TMEM135: variants seen among roughly 807,000 people sequenced by gnomAD.
TMEM135 encodes transmembrane protein 135.
Under a neutral mutation model 60.3 loss-of-function variants are expected in TMEM135, and 30 were observed. The ratio of observed to expected loss-of-function variants is 0.50; its 90% CI spans 0.37 to 0.68. The LOEUF (loss-of-function observed/expected upper bound fraction) is 0.68. Among genes scored for constraint, TMEM135 ranks in the 30% least tolerant of loss-of-function variants. TMEM135 has a pLI of 0.00. For synonymous variants in TMEM135, 190 were observed against 186.7 expected (o/e 1.02, Z -0.14); for missense variants, 468 against 548.8 (o/e 0.85, Z 1.47).
rs1240799672 is a variant in TMEM135, at chr11:87,116,646, CAGACACACACAT to C, written c.396+25253_396+25264del. The stretch of plus-strand genomic sequence containing the variant: ...ACACACACATACACACACACACACA[CAGACACACACAT>C]ACATATAGTATAGGCATACCTCAAA... On this transcript the variant is annotated intron_variant, in intron 4 of 14. Transcript: ENST00000305494. Among the ~76,000 whole-genome samples, 7 of 43,410 alleles carry C rather than the reference CAGACACACACAT, an allele frequency of 1.6e-4. No homozygotes were observed. The Admixed American group carries it at 2.5e-3, about 15-fold the overall frequency. The allele number at this position is 43,410 out of a possible 152,430, so 28.5% of individuals were successfully genotyped here.
In TMEM135 at chr11:87,306,698, C is replaced by T. The variant is rs531174728; in HGVS notation, c.768+693C>T. Among the ~76,000 whole-genome samples, 14 of 152,182 alleles carry T rather than the reference C, an allele frequency of 9.2e-5. 1 individual carries two copies. In the South Asian group the frequency reaches 2.5e-3, roughly 27 times the overall value. ...GTCAGCATGGCACAGGTGGCACCACCTGCTGCAAGTTCTTTAGTTTTTTTT... is the reference window on the plus strand; with the variant it reads ...GTCAGCATGGCACAGGTGGCACCACTTGCTGCAAGTTCTTTAGTTTTTTTT... On this transcript the variant is annotated intron_variant, in intron 9 of 14. Transcript: ENST00000305494.
chr11:87,169,899 A>T (rs773883332), intron 5 of TMEM135, among the ~76,000 whole-genome samples: 1 of 152,072 alleles, frequency 6.6e-6, no homozygotes, highest in Non-Finnish European at 1.5e-5. Flanking sequence ...GAGTGTTTTC[A>T]AACCTGGTTC....
intron 8 of TMEM135, among the ~76,000 whole-genome samples, chr11:87,303,618 G>C (rs1434668201): frequency 2.0e-5 from 3 of 152,126 alleles, no homozygotes; most frequent in Non-Finnish European, 4.4e-5. Context: ...TTATGAACTT[G>C]CCTGACATAA....
At chr11:87,124,601 C>T (rs931794438) in intron 4 of TMEM135, among the ~76,000 whole-genome samples, 1 of 151,884 alleles carries the variant, frequency 6.6e-6, no homozygotes, top group East Asian at 1.9e-4. Flanking sequence ...CATAAAGGGT[C>T]GTGTGGAATA....
intron 5 of TMEM135, among the ~76,000 whole-genome samples, chr11:87,173,193 A>G (rs1483441213): frequency 6.6e-6 from 1 of 152,170 alleles, no homozygotes; most frequent in Non-Finnish European, 1.5e-5. Context: ...GCAAAGTATT[A>G]GTTCAAGTAG....
intron 3 of TMEM135, among the ~76,000 whole-genome samples, chr11:87,073,948 G>A (rs1045442505): frequency 1.3e-5 from 2 of 151,844 alleles, no homozygotes; most frequent in Non-Finnish European, 2.9e-5. Context: ...GATTACCTGC[G>A]TGAGCCACTG....
chr11:87,260,526 T>C (rs1188963777), intron 6 of TMEM135, among the ~76,000 whole-genome samples: 1 of 131,906 alleles, frequency 7.6e-6, no homozygotes, highest in Non-Finnish European at 1.8e-5. Context: ...CTGAATTTAT[T>C]ATCTATTTTT....
intron 5 of TMEM135, among the ~76,000 whole-genome samples, chr11:87,229,171 G>A (rs1487056695): frequency 6.6e-6 from 1 of 151,814 alleles, no homozygotes; most frequent in Non-Finnish European, 1.5e-5. Context: ...TTATGTGTTT[G>A]CTTTTATTTA....
chr11:87,065,646 A>AT (rs1856637453), intron 1 of TMEM135, among the ~76,000 whole-genome samples: 1 of 152,168 alleles, frequency 6.6e-6, no homozygotes, highest in Admixed American at 6.5e-5. Context: ...CAGGTCTTTA[A>AT]TAGAGAAAAA....
chr11:87,066,763 G>T lies in TMEM135; in HGVS notation c.142-931G>T, dbSNP rs1321450309. 1.3e-5 allele frequency among the ~76,000 whole-genome samples: 2 copies of T among 148,500 alleles called. 1 individual carries two copies. The highest frequency in any genetic ancestry group is 3.0e-5 in the Non-Finnish European group (2 of 67,358). On this transcript the variant is annotated intron_variant, in intron 1 of 14. Transcript: ENST00000305494. ...TTCTGGTCACAGGTGATACATACTT[G>T]TGTTGTTACTAGATTCTTTCTTTTT...
chr11:87,294,764 C>G (rs1287626608), intron 6 of TMEM135, among the ~76,000 whole-genome samples: 1 of 152,182 alleles, frequency 6.6e-6, no homozygotes, highest in Admixed American at 6.5e-5. Flanking sequence ...CTCAAAGTCC[C>G]TTTGTTTAAG....
At chr11:87,115,822 A>G (rs973655108) in intron 4 of TMEM135, among the ~76,000 whole-genome samples, 2 of 152,134 alleles carry the variant, frequency 1.3e-5, no homozygotes, top group African/African-American at 4.8e-5. Context: ...ACTTAAATTC[A>G]TTATTGGGCT....
chr11:87,157,630 C>A, intron 5 of TMEM135: 1 of 447,332 alleles, frequency 2.2e-6, no homozygotes, highest in Admixed American at 3.8e-5. Flanking sequence ...CTTTAGTTAT[C>A]AAATATCTTT....
chr11:87,120,713 G>A (rs976484680), intron 4 of TMEM135, among the ~76,000 whole-genome samples: 5 of 151,860 alleles, frequency 3.3e-5, no homozygotes, highest in Non-Finnish European at 7.4e-5. Context: ...TGATCCACCT[G>A]CCTCGGCCTC....
intron 6 of TMEM135, among the ~76,000 whole-genome samples, chr11:87,237,837 G>T (rs1032604267): frequency 1.3e-5 from 2 of 151,524 alleles, no homozygotes; most frequent in South Asian, 2.1e-4. Context: ...CCACCCTCTG[G>T]TAACCATCAT....
chr11:87,202,768 C>T (rs1038982296), intron 5 of TMEM135, among the ~76,000 whole-genome samples: 1 of 148,828 alleles, frequency 6.7e-6, no homozygotes, highest in African/African-American at 2.5e-5. Flanking sequence ...CACGGTGGCT[C>T]AAGCCTCTAA....
chr11:87,064,903 A>G (rs1299281760), intron 1 of TMEM135, among the ~76,000 whole-genome samples: 2 of 152,154 alleles, frequency 1.3e-5, no homozygotes, highest in Non-Finnish European at 2.9e-5. Context: ...AACCCAAAAA[A>G]ACAATATTCT....
At chr11:87,200,209 T>C (rs1158571660) in intron 5 of TMEM135, among the ~76,000 whole-genome samples, 1 of 152,114 alleles carries the variant, frequency 6.6e-6, no homozygotes, top group Admixed American at 6.6e-5. Context: ...AGGAAATAGC[T>C]TACTCACCTA....
chr11:87,103,481 G>GTTTTTTTTT (rs869209609), intron 4 of TMEM135, among the ~76,000 whole-genome samples: 1 of 74,436 alleles, frequency 1.3e-5, no homozygotes, highest in African/African-American at 5.8e-5. Flanking sequence ...TGTTTTTTTT[G>GTTTTTTTTT]TTTTTTTTTT....
Sources: allele counts gnomAD v4.1 joint callset (sites outside exome capture counted in the v4.1 genomes callset), GRCh38; gene constraint gnomAD v4.1.1; transcripts MANE v1.5; gene names NCBI Gene and HGNC (gene_info 2026-07-23, HGNC 2026-07-21).